The following GSPT1 variants were observed in gnomAD, a reference collection of about 807,000 sequenced individuals.
GSPT1 encodes G1 to S phase transition 1.
A neutral mutation model predicts 72.5 loss-of-function variants in GSPT1; 20 were observed. That is an observed-to-expected ratio of 0.28 (90% CI 0.19 to 0.40). The LOEUF (loss-of-function observed/expected upper bound fraction) is 0.40, where lower values mean the gene tolerates loss of function less well. GSPT1 is among the 10% of genes least tolerant of loss of function. GSPT1 has a pLI of 1.00. For missense variants in GSPT1, 580 were observed against 811.9 expected, an observed-to-expected ratio of 0.71 and a Z score of 3.47; for synonymous variants, 334 against 293.5, an observed-to-expected ratio of 1.14 and a Z score of -1.41.
At chr16:11,911,868 T>A (rs2054562939) in intron 1 of GSPT1, among the ~76,000 whole-genome samples, 1 of 126,246 alleles carries the variant, frequency 7.9e-6, no homozygotes, top group Non-Finnish European at 1.7e-5. Flanking sequence ...TTTTTTTTTT[T>A]TTTTTTTTTT....
intron 1 of GSPT1, 75 bp downstream of exon 1, chr16:11,915,294 G>A: frequency 3.9e-6 from 5 of 1,269,066 alleles, no homozygotes; most frequent in African/African-American, 1.6e-5. Context: ...AGGGCCGCGC[G>A]CCCCCGGACC....
At chr16:11,901,025 A>G (rs2054399463) in intron 1 of GSPT1, among the ~76,000 whole-genome samples, 2 of 151,734 alleles carry the variant, frequency 1.3e-5, no homozygotes, top group African/African-American at 4.8e-5. Context: ...AAAACAAAAA[A>G]CTGTCGGGAA....
At chr16:11,885,688 G>A (rs887514040) in intron 9 of GSPT1, among the ~76,000 whole-genome samples, 6 of 152,104 alleles carry the variant, frequency 3.9e-5, no homozygotes, top group Non-Finnish European at 8.8e-5. Flanking sequence ...GAGCCCAGGA[G>A]TTCGACACCA....
chr16:11,904,128 C>G, intron 1 of GSPT1: 1 of 227,754 alleles, frequency 4.4e-6, no homozygotes. Flanking sequence ...GGCAACACTT[C>G]GGGAGCCATG....
chr16:11,888,192 G>A (rs546468587), intron 6 of GSPT1, among the ~76,000 whole-genome samples: 16 of 152,148 alleles, frequency 1.1e-4, no homozygotes, highest in East Asian at 3.9e-4. Context: ...AGGGCTGGGC[G>A]CAGTGGCTCA....
rs2053951014 is a variant in GSPT1, at chr16:11,869,147, T to G, written c.*3972A>C. The G allele has an allele frequency of 6.6e-6, 1 of 152,184 alleles. No individual in the cohort carries two copies. The highest frequency in any genetic ancestry group is 1.5e-5 in the Non-Finnish European group (1 of 68,028). The allele number at this position is 152,184 out of a possible 1,614,324, so 9.4% of individuals were successfully genotyped here. ...TGAACTGAACTGATAGTAAACTGGG[T>G]CAAATGGAATCCACGGAATTACTAC... On this transcript the variant is annotated 3_prime_UTR_variant, in exon 15 of 15. Coordinates refer to ENST00000434724, the MANE Select transcript of GSPT1 (RefSeq NM_002094.4).
intron 1 of GSPT1, among the ~76,000 whole-genome samples, chr16:11,909,112 C>A (rs1029828114): frequency 6.6e-6 from 1 of 150,624 alleles, no homozygotes; most frequent in East Asian, 2.0e-4. Context: ...TCAAGTGAAG[C>A]GACATACAAT....
At chr16:11,915,202 G>T in intron 1 of GSPT1, 167 bp downstream of exon 1, 1 of 1,068,950 alleles carries the variant, frequency 9.4e-7, no homozygotes, top group East Asian at 7.4e-5. Context: ...GGGCCGCCCC[G>T]CGAAGGCCGG....
chr16:11,905,090 G>A (rs1478422596), intron 1 of GSPT1, among the ~76,000 whole-genome samples: 1 of 152,140 alleles, frequency 6.6e-6, no homozygotes, highest in Non-Finnish European at 1.5e-5. Flanking sequence ...CAAAACACAG[G>A]CATCCTGAGT....
Position 11,885,222 on chromosome 16 carries a change from C to A in GSPT1, c.1306G>T (p.Val436Phe). Reference protein sequence around the residue: ...LDNLPNFNRSVDGPIRLPIVD... With the variant: ...LDNLPNFNRSFDGPIRLPIVD... ...ATTGGCAGCCTGATTGGTCCATCAA[C>A]TGATCTATTGAAGTTCGGCAAATTA... Residue 436 changes from valine to phenylalanine, a missense_variant, in exon 10 of 15, where the codon GTT (valine) becomes TTT (phenylalanine). Physicochemically the swap from Val to Phe is conservative, Grantham distance 50. Around this residue, in one of 6 missense-constraint regions of GSPT1, gnomAD observed 45 missense variants for 43.0 expected, o/e 1.05. Transcript: ENST00000434724. 1 of 1,599,684 alleles carries A rather than the reference C, an allele frequency of 6.3e-7. No individual in the cohort carries two copies. The highest frequency in any genetic ancestry group is 8.6e-7 in the Non-Finnish European group (1 of 1,167,010).
At position 11,915,582 on chromosome 16, in the gene GSPT1, C is replaced by T. The variant is rs752849444; in HGVS notation, c.139G>A (p.Gly47Ser). 1.3e-6 allele frequency: 2 copies of T among 1,487,266 alleles called. No individual in the cohort carries two copies. Among genetic ancestry groups the T allele is most frequent in the Middle Eastern group, 1.8e-4 (1 of 5,512 alleles). 92.1% of individuals were successfully genotyped at this position (1,487,266 alleles called of 1,614,324 possible). Residue 47 changes from glycine to serine, a missense_variant, in exon 1 of 15, where the codon GGC (glycine) becomes AGC (serine). Gly to Ser is a moderately conservative substitution (Grantham distance 56, BLOSUM62 0). Around this residue, in one of 6 missense-constraint regions of GSPT1, gnomAD observed 327 missense variants for 298.8 expected, o/e 1.09. Coordinates refer to ENST00000434724, the MANE Select transcript of GSPT1 (RefSeq NM_002094.4). ...EAPGPGPCGG[G>S]GSLAAAAEAQ... ...TCGGCCGCCGCCGCCAGGGAGCCGCCGCCGCCGCAAGGGCCCGGCCCGGGG... is the reference window on the plus strand; with the variant it reads ...TCGGCCGCCGCCGCCAGGGAGCCGCTGCCGCCGCAAGGGCCCGGCCCGGGG...
chr16:11,908,029 G>A lies in GSPT1; in HGVS notation c.352+7340C>T, dbSNP rs932667957. Among the ~76,000 whole-genome samples the A allele has an allele frequency of 2.0e-5, 3 of 152,038 alleles. No homozygotes were observed. In the East Asian group the frequency reaches 5.8e-4, roughly 29 times the overall value. ...GGCTGAAGTGGGCAGATCACTTGAG[G>A]TCAGGAGTGCGAGACCAGCCTGGCC... On this transcript the variant is annotated intron_variant, in intron 1 of 14. Transcript: ENST00000434724.
Position 11,869,363 on chromosome 16 carries a change from T to C in GSPT1, c.*3756A>G, listed in dbSNP as rs191016399. ...AAGATCAAGGATGTACTAGATGGCATCTGCTAGAATCACTGAAAAAGTTAG... is the reference window on the plus strand; with the variant it reads ...AAGATCAAGGATGTACTAGATGGCACCTGCTAGAATCACTGAAAAAGTTAG... On this transcript the variant is annotated 3_prime_UTR_variant, in exon 15 of 15. Coordinates refer to ENST00000434724, the MANE Select transcript of GSPT1 (RefSeq NM_002094.4). 7.2e-5 allele frequency: 11 copies of C among 152,358 alleles called. No homozygotes were observed. Among genetic ancestry groups the C allele is most frequent in the Admixed American group, 6.5e-4 (10 of 15,298 alleles). 9.4% of individuals were successfully genotyped at this position (152,358 alleles called of 1,614,324 possible). A position where few individuals can be genotyped will look rare whatever the true frequency, so the allele number is the denominator to read the frequency against.
rs1473426244 is a variant in GSPT1, at chr16:11,896,781, T to C, written c.441A>G (p.Glu147=). 6.4e-7 allele frequency: 1 copy of C among 1,556,238 alleles called. No individual in the cohort carries two copies. Among genetic ancestry groups the C allele is most frequent in the Non-Finnish European group, 8.8e-7 (1 of 1,141,656 alleles). ...VSMELSEPIV[E]NGETEMSPEE... ...CTGGAGACATTTCTGTCTCTCCATT[T>C]TCTACTGAAGAAAGACATTTTAACT... The change falls in exon 4 of 15, where the codon GAA becomes GAG. Residue 147 remains glutamate (E), a synonymous_variant. Coordinates refer to ENST00000434724, the MANE Select transcript of GSPT1 (RefSeq NM_002094.4).
In GSPT1 at chr16:11,870,022, A is replaced by G. The variant is rs1442715203; in HGVS notation, c.*3097T>C. 6.6e-6 allele frequency: 1 copy of G among 152,224 alleles called. No individual in the cohort carries two copies. The highest frequency in any genetic ancestry group is 1.5e-5 in the Non-Finnish European group (1 of 68,042). The allele number at this position is 152,224 out of a possible 1,614,324, so 9.4% of individuals were successfully genotyped here. On this transcript the variant is annotated 3_prime_UTR_variant, in exon 15 of 15. Transcript: ENST00000434724. Reference sequence around the variant, plus strand: ...GTACTTGTAGTTTATGTAACCAGCAAATATGAGTTACCTCGTTACAGTGAA... The same window carrying G: ...GTACTTGTAGTTTATGTAACCAGCAGATATGAGTTACCTCGTTACAGTGAA...
At chr16:11,904,631 C>A (rs764946796) in intron 1 of GSPT1, among the ~76,000 whole-genome samples, 1 of 151,710 alleles carries the variant, frequency 6.6e-6, no homozygotes, top group African/African-American at 2.4e-5. Flanking sequence ...TCACAGCATA[C>A]GTCAGTCAAG....
rs750041160 is a variant in GSPT1, at chr16:11,896,759, G to T, written c.463C>A (p.Pro155Thr). 1.9e-6 allele frequency: 3 copies of T among 1,591,262 alleles called. No homozygotes were observed. The highest frequency in any genetic ancestry group is 2.7e-5 in the African/African-American group (2 of 74,518). ...IVENGETEMS[P>T]EESWEHKEEI... ...TCTTTGTGCTCCCATGATTCTTCTGGAGACATTTCTGTCTCTCCATTTTCT... is the reference window on the plus strand; with the variant it reads ...TCTTTGTGCTCCCATGATTCTTCTGTAGACATTTCTGTCTCTCCATTTTCT... Residue 155 changes from proline to threonine, a missense_variant, in exon 4 of 15, where the codon CCA (proline) becomes ACA (threonine). Physicochemically the swap from Pro to Thr is conservative, Grantham distance 38. Transcript: ENST00000434724.
intron 1 of GSPT1, chr16:11,908,759 CAAAAAAA>C (rs764948242): frequency 3.9e-5 from 1 of 25,668 alleles, no homozygotes; most frequent in Admixed American, 4.8e-4. Context: ...GACTCCGTCT[CAAAAAAA>C]AAAAAAAAAA....
At chr16:11,905,368 G>A (rs1292360081) in intron 1 of GSPT1, among the ~76,000 whole-genome samples, 1 of 152,168 alleles carries the variant, frequency 6.6e-6, no homozygotes, top group Non-Finnish European at 1.5e-5. Flanking sequence ...ATAGCCACAT[G>A]TGGTTCTCGA....
Sources: allele counts gnomAD v4.1 joint callset (sites outside exome capture counted in the v4.1 genomes callset), GRCh38; gene constraint gnomAD v4.1.1; regional missense constraint gnomAD v4.1.1; transcripts MANE v1.5; gene names NCBI Gene and HGNC (gene_info 2026-07-23, HGNC 2026-07-21).